The following CD300LF variants were observed in gnomAD, a reference collection of about 807,000 sequenced individuals.
CD300LF encodes CMRF35-like molecule 1.
CD300LF carries 27 observed loss-of-function variants against 32.2 expected under a neutral mutation model. The observed-to-expected ratio is 0.84, with a 90% CI of 0.62 to 1.15. The LOEUF is 1.15. CD300LF is among the 50% of genes most tolerant of loss of function. The pLI is 0.00. For synonymous variants in CD300LF, 139 were observed against 143.2 expected, an observed-to-expected ratio of 0.97 and a Z score of 0.21; for missense variants, 348 against 356.8, an observed-to-expected ratio of 0.98 and a Z score of 0.20.
intron 1 of CD300LF, among the ~76,000 whole-genome samples, chr17:74,711,465 A>C (rs73361347): frequency 6.6e-6 from 1 of 152,306 alleles, no homozygotes; most frequent in African/African-American, 2.4e-5. Context: ...ACTCGGGGCC[A>C]AGTGTCCATG....
intron 1 of CD300LF, among the ~76,000 whole-genome samples, chr17:74,712,262 C>T (rs2034017888): frequency 6.6e-6 from 1 of 152,196 alleles, no homozygotes; most frequent in African/African-American, 2.4e-5. Context: ...CCCTCTGGCT[C>T]TGCCCACATC....
Position 74,704,482 on chromosome 17 carries a change from G to A in CD300LF, c.378C>T (p.Asp126=). Residue 126 remains aspartate (D), a synonymous_variant, in exon 2 of 7, where the codon GAC becomes GAT. Transcript: ENST00000326165. ...DLGVTVQVTI[D]PAPVTQEETS... ...CATATATACACTCCCTCTTACCTGG[G>A]TCAATGGTCACTTGAACTGTGACCC... is the stretch of plus-strand genomic sequence containing the variant. 1 of 1,609,192 alleles carries A rather than the reference G, an allele frequency of 6.2e-7. No individual in the cohort carries two copies. Among genetic ancestry groups the A allele is most frequent in the Non-Finnish European group, 8.5e-7 (1 of 1,176,534 alleles).
intron 3 of CD300LF, 45 bp from the exon 4 acceptor site, chr17:74,698,526 T>G (rs2032736670): frequency 6.4e-7 from 1 of 1,571,922 alleles, no homozygotes; most frequent in African/African-American, 1.4e-5. Context: ...GCTCACCACC[T>G]GCCTCTCAGC....
intron 1 of CD300LF, 36 bp from the exon 2 acceptor site, chr17:74,704,852 C>A: frequency 6.5e-7 from 1 of 1,534,740 alleles, no homozygotes; most frequent in Non-Finnish European, 8.9e-7. Context: ...TCACCTCCCA[C>A]CCCAAGGGCA....
At chr17:74,712,472 T>A (rs1484004624) in intron 1 of CD300LF, among the ~76,000 whole-genome samples, 1 of 152,070 alleles carries the variant, frequency 6.6e-6, no homozygotes, top group Non-Finnish European at 1.5e-5. Flanking sequence ...TCAGAACACC[T>A]CCACGCAGGT....
rs566998097 is a variant in CD300LF, at chr17:74,698,623, T to G, written c.447-142A>C. ...TTTGCAGCCTGGGAACCCTCACTCC[T>G]GGGGATCCTCAAAGATGGGTTTACA... On this transcript the variant is annotated intron_variant, in intron 3 of 6. Coordinates refer to ENST00000326165, the MANE Select transcript of CD300LF (RefSeq NM_139018.5). 1.3e-3 allele frequency: 1,953 copies of G among 1,482,444 alleles called. 3 individuals carry two copies. Among genetic ancestry groups the G allele is most frequent in the Middle Eastern group, 5.7e-3 (30 of 5,280 alleles). 91.8% of individuals were successfully genotyped at this position (1,482,444 alleles called of 1,614,324 possible).
chr17:74,698,521 C>T, intron 3 of CD300LF, 40 bp from the exon 4 acceptor site: 4 of 1,577,116 alleles, frequency 2.5e-6, no homozygotes, highest in Non-Finnish European at 3.4e-6. Flanking sequence ...CCCAGGCTCA[C>T]CACCTGCCTC....
chr17:74,699,374 C>T (rs777014850), intron 3 of CD300LF, among the ~76,000 whole-genome samples: 22 of 152,168 alleles, frequency 1.4e-4, no homozygotes, highest in Non-Finnish European at 2.6e-4. Flanking sequence ...CTCTTCCCCT[C>T]GAATTCACAT....
chr17:74,700,016 T>C (rs1231838996), intron 3 of CD300LF, among the ~76,000 whole-genome samples: 1 of 151,594 alleles, frequency 6.6e-6, no homozygotes, highest in Admixed American at 6.6e-5. Flanking sequence ...GTGGCGTGTG[T>C]CTGTAATCCC....
intron 2 of CD300LF, 103 bp downstream of exon 2, chr17:74,704,375 A>G (rs1370382451): frequency 1.1e-6 from 1 of 870,502 alleles, no homozygotes; most frequent in Non-Finnish European, 1.8e-6. Context: ...TCGGGACTCA[A>G]GTGATAGATC....
intron 4 of CD300LF, 36 bp downstream of exon 4, chr17:74,698,333 C>A: frequency 6.9e-7 from 1 of 1,455,406 alleles, no homozygotes; most frequent in Non-Finnish European, 9.6e-7. Flanking sequence ...AGCCACCCGG[C>A]CCAGTCTCAG....
chr17:74,699,457 G>T (rs1359744921), intron 3 of CD300LF, among the ~76,000 whole-genome samples: 1 of 152,144 alleles, frequency 6.6e-6, no homozygotes, highest in Admixed American at 6.5e-5. Context: ...TGATTAGCAT[G>T]GGCCCTGATC....
Position 74,704,815 on chromosome 17 carries a change from G to A in CD300LF, c.45C>T (p.Gly15=), listed in dbSNP as rs571004658. Reference sequence around the variant, plus strand: ...CGGTGATTTGAGTGACAATGGAGTAGCCTGGAAAACACAAATTCATGTGCT... The same window carrying A: ...CGGTGATTTGAGTGACAATGGAGTAACCTGGAAAACACAAATTCATGTGCT... ...TLYLLLFWLS[G]YSIVTQITGP... is the part of the protein sequence containing the mutation. Residue 15 remains glycine, a splice_region_variant and synonymous_variant, in exon 2 of 7, where the codon GGC becomes GGT. Transcript: ENST00000326165. 6.2e-7 allele frequency: 1 copy of A among 1,608,344 alleles called. No individual in the cohort carries two copies. The highest frequency in any genetic ancestry group is 8.5e-7 in the Non-Finnish European group (1 of 1,175,730).
chr17:74,702,119 G>A (rs769064368), intron 3 of CD300LF, among the ~76,000 whole-genome samples: 4 of 152,018 alleles, frequency 2.6e-5, no homozygotes, highest in East Asian at 1.9e-4. Flanking sequence ...TTAGAATACC[G>A]GGGACCTCCC....
At chr17:74,709,138 C>T (rs1008689122) in intron 1 of CD300LF, among the ~76,000 whole-genome samples, 1 of 150,760 alleles carries the variant, frequency 6.6e-6, no homozygotes, top group Non-Finnish European at 1.5e-5. Flanking sequence ...GCAGGAGAAT[C>T]GCTTAAACCC....
intron 1 of CD300LF, among the ~76,000 whole-genome samples, chr17:74,708,658 G>A (rs564615576): frequency 6.6e-6 from 1 of 152,044 alleles, no homozygotes; most frequent in Admixed American, 6.6e-5. Context: ...GGCTTACACC[G>A]GTAATCCCAG....
chr17:74,698,294 ACCAGATAGCTC>A, intron 4 of CD300LF, 64 bp downstream of exon 4: 1 of 1,017,514 alleles, frequency 9.8e-7, no homozygotes, highest in Non-Finnish European at 1.5e-6. Flanking sequence ...AATCCCTTGG[ACCAGATAGCTC>A]CCAGATGCCA....
At chr17:74,695,925 G>T in intron 5 of CD300LF, 66 bp from the exon 6 acceptor site, 1 of 1,552,310 alleles carries the variant, frequency 6.4e-7, no homozygotes, top group East Asian at 2.3e-5. Context: ...CCTTTTCCAC[G>T]GTGGGACGGG....
At chr17:74,699,249 G>C (rs1026741801) in intron 3 of CD300LF, among the ~76,000 whole-genome samples, 14 of 152,118 alleles carry the variant, frequency 9.2e-5, no homozygotes, top group Non-Finnish European at 1.5e-5. Flanking sequence ...AGGAGAAAAG[G>C]GTTCCATGAG....
Sources: allele counts gnomAD v4.1 joint callset (sites outside exome capture counted in the v4.1 genomes callset), GRCh38; gene constraint gnomAD v4.1.1; transcripts MANE v1.5; gene names NCBI Gene and HGNC (gene_info 2026-07-23, HGNC 2026-07-21).